The following CDKN2B-AS1 variants were observed in gnomAD, a reference collection of about 807,000 sequenced individuals.
CDKN2B-AS1 encodes CDKN2B antisense RNA 1 (non-protein coding).
chr9:22,127,345 G>A (rs1818034725), exon 5 of CDKN2B-AS1, among the ~76,000 whole-genome samples: 1 of 152,218 alleles, frequency 6.6e-6, no homozygotes. Flanking sequence ...CTCCCAAAGT[G>A]CTGGTATTAC....
chr9:22,112,908 T>C (rs1293814454), intron 4 of CDKN2B-AS1, among the ~76,000 whole-genome samples: 2 of 152,190 alleles, frequency 1.3e-5, no homozygotes, highest in Non-Finnish European at 2.9e-5. Context: ...GCTAAAATTC[T>C]AGACAAAGTC....
chr9:22,079,998 A>G (rs1486156811), intron 4 of CDKN2B-AS1, among the ~76,000 whole-genome samples: 2 of 152,252 alleles, frequency 1.3e-5, no homozygotes, highest in African/African-American at 2.4e-5. Context: ...CTGCCTGTTC[A>G]TCAAAGGAGG....
At chr9:22,094,218 T>C (rs1825196042) in intron 4 of CDKN2B-AS1, among the ~76,000 whole-genome samples, 1 of 143,986 alleles carries the variant, frequency 6.9e-6, no homozygotes, top group South Asian at 2.1e-4. Context: ...CCTTTGTGGG[T>C]AACCCGACCT....
At chr9:22,033,711 T>A (rs1822570210) in intron 1 of CDKN2B-AS1, among the ~76,000 whole-genome samples, 4 of 152,162 alleles carry the variant, frequency 2.6e-5, no homozygotes, top group Admixed American at 2.6e-4. Context: ...TGCCACTTGC[T>A]CCAACAATTA....
In CDKN2B-AS1 at chr9:22,095,075, C is replaced by T. The variant is rs968783440; in HGVS notation, n.439-32028C>T. 6.2e-5 allele frequency among the ~76,000 whole-genome samples: 9 copies of T among 144,934 alleles called. 2 individuals are homozygous for T. The highest frequency in any genetic ancestry group is 1.3e-4 in the Admixed American group (2 of 14,982). ...GGTCTGTTGGAGTTTGCTGGAGGTC[C>T]ACTCCAGACGCTGTTTGCCTGGGTA... is the stretch of plus-strand genomic sequence containing the variant. On this transcript the variant is annotated intron_variant and non_coding_transcript_variant, in intron 4 of 4. Coordinates refer to ENST00000650946, the Ensembl canonical transcript of CDKN2B-AS1.
intron 4 of CDKN2B-AS1, among the ~76,000 whole-genome samples, chr9:22,074,070 C>G (rs758273946): frequency 4.0e-5 from 6 of 151,874 alleles, no homozygotes; most frequent in Non-Finnish European, 7.4e-5. Context: ...GCCATGTTGC[C>G]CAGGCTGGTC....
rs115814099 is a variant in CDKN2B-AS1, at chr9:22,024,925, C to A, written n.30-21826C>A. Among the ~76,000 whole-genome samples the A allele has an allele frequency of 5.3e-3, 801 of 152,300 alleles. 6 individuals are homozygous for A. Among genetic ancestry groups the A allele is most frequent in the African/African-American group, 0.018 (760 of 41,570 alleles). On this transcript the variant is annotated intron_variant and non_coding_transcript_variant, in intron 1 of 4. Coordinates refer to ENST00000650946, the Ensembl canonical transcript of CDKN2B-AS1. ...CCAAGATGGCCCTAGAAGAGGCCAG[C>A]AGACCAAGGAGTGCTCAGGTTGCAC... is the stretch of plus-strand genomic sequence containing the variant.
chr9:22,119,222 G>C (rs1037506913), intron 4 of CDKN2B-AS1: 13 of 152,172 alleles, frequency 8.5e-5, no homozygotes, highest in African/African-American at 3.1e-4. Context: ...CATTCATTAA[G>C]ATGACATGAA....
chr9:22,078,135 C>T lies in CDKN2B-AS1; in HGVS notation n.438+21748C>T, dbSNP rs377320937. 3.9e-5 allele frequency among the ~76,000 whole-genome samples: 6 copies of T among 152,190 alleles called. No homozygotes were observed. In the East Asian group the frequency reaches 7.7e-4, roughly 20 times the overall value. On this transcript the variant is annotated intron_variant and non_coding_transcript_variant, in intron 4 of 4. Coordinates refer to ENST00000650946, the Ensembl canonical transcript of CDKN2B-AS1. ...TTTGTGTCTATATTTCTTATAGTGT[C>T]TTGAACTGATTGTACTTACGATATG...
intron 1 of CDKN2B-AS1, among the ~76,000 whole-genome samples, chr9:22,017,416 A>T (rs1252961800): frequency 1.3e-5 from 2 of 152,152 alleles, no homozygotes; most frequent in Non-Finnish European, 2.9e-5. Flanking sequence ...TTTCACACAA[A>T]CCCAACTGAA....
chr9:22,071,378 C>A (rs986430729), intron 4 of CDKN2B-AS1, among the ~76,000 whole-genome samples: 4 of 137,058 alleles, frequency 2.9e-5, no homozygotes, highest in Non-Finnish European at 6.1e-5. Context: ...TGGCTCACAG[C>A]AAATTTTTAA....
chr9:22,112,174 A>G (rs748587783), intron 4 of CDKN2B-AS1: 17 of 152,244 alleles, frequency 1.1e-4, no homozygotes, highest in Non-Finnish European at 2.4e-4. Flanking sequence ...TCCAGAAAGG[A>G]CTGAACAATC....
rs2131163627 is a variant in CDKN2B-AS1, at chr9:21,999,407, T to C, written n.29+4246T>C. On this transcript the variant is annotated intron_variant and non_coding_transcript_variant, in intron 1 of 4. Coordinates refer to ENST00000650946, the Ensembl canonical transcript of CDKN2B-AS1. This position sits in a 1 kb window ranked among gnomAD's most constrained non-coding sequence, Gnocchi z 4.7. ...AGCAATTCTATTCCTATAACTCATG[T>C]ATGTAACATATATAATACATATCTT... 6.6e-6 allele frequency among the ~76,000 whole-genome samples: 1 copy of C among 151,992 alleles called. No individual in the cohort carries two copies. The highest frequency in any genetic ancestry group is 2.4e-5 in the African/African-American group (1 of 41,514).
chr9:22,056,636 C>G (rs1196126959), intron 4 of CDKN2B-AS1, among the ~76,000 whole-genome samples: 3 of 152,170 alleles, frequency 2.0e-5, no homozygotes, highest in Non-Finnish European at 4.4e-5. Context: ...TCTCGGTCTT[C>G]TTTTCTGGCT....
chr9:22,047,953 A>G (rs1823179302), intron 2 of CDKN2B-AS1, among the ~76,000 whole-genome samples: 1 of 122,038 alleles, frequency 8.2e-6, no homozygotes, highest in South Asian at 3.7e-4. Context: ...ATGTGCGGCT[A>G]ATTTTTGTAT....
In CDKN2B-AS1 at chr9:22,095,421, T is replaced by A. The variant is rs201111846; in HGVS notation, n.439-31682T>A. ...GCGGTTTTGAGTGAGTTTCTTAATCTTGAGTTCTAGTTTGCACTGTGGTCT... is the reference window on the plus strand; with the variant it reads ...GCGGTTTTGAGTGAGTTTCTTAATCATGAGTTCTAGTTTGCACTGTGGTCT... On this transcript the variant is annotated intron_variant and non_coding_transcript_variant, in intron 4 of 4. Transcript: ENST00000650946. Among the ~76,000 whole-genome samples, 3 of 145,028 alleles carry A rather than the reference T, an allele frequency of 2.1e-5. No individual in the cohort carries two copies. In the South Asian group the frequency reaches 6.3e-4, roughly 31 times the overall value.
At chr9:22,021,748 T>G (rs947254142) in intron 1 of CDKN2B-AS1, among the ~76,000 whole-genome samples, 1 of 152,186 alleles carries the variant, frequency 6.6e-6, no homozygotes, top group African/African-American at 2.4e-5. Context: ...GAAAGATAGT[T>G]TGACTTCCTC....
At chr9:22,016,913 A>T (rs1821788319) in intron 1 of CDKN2B-AS1, among the ~76,000 whole-genome samples, 1 of 152,242 alleles carries the variant, frequency 6.6e-6, no homozygotes, top group African/African-American at 2.4e-5. Flanking sequence ...TATAGTTATT[A>T]TTCCTGTTGA....
intron 1 of CDKN2B-AS1, chr9:22,029,597 A>G (rs1281682523): frequency 1.4e-6 from 1 of 723,296 alleles, no homozygotes. Context: ...CTATTGCTGT[A>G]AGTGCTGTTT....
Sources: gnomAD v4.1 joint callset for allele counts (sites outside exome capture counted in the v4.1 genomes callset) on GRCh38, gnomAD v4.1.1 for gene constraint, Gnocchi (gnomAD v3.1) non-coding constraint, MANE v1.5 for transcripts, NCBI Gene and HGNC (gene_info 2026-07-23, HGNC 2026-07-21) for gene names.